The following PKIA variants were observed in gnomAD, a reference collection of about 807,000 sequenced individuals.
PKIA encodes PKI-alpha.
In PKIA, 4 loss-of-function variants were observed where a neutral mutation model predicts 7.6. The observed-to-expected ratio is 0.52, with a 90% CI of 0.26 to 1.20. The LOEUF (loss-of-function observed/expected upper bound fraction) is 1.20, where lower values mean the gene tolerates loss of function less well. Among genes scored for constraint, PKIA ranks in the 50% most tolerant of loss-of-function variants. The pLI, the probability that PKIA is intolerant of heterozygous loss-of-function variation, is 0.13. For synonymous variants in PKIA, 21 were observed against 30.7 expected, an observed-to-expected ratio of 0.68 and a Z score of 1.04; for missense variants, 73 against 86.2, an observed-to-expected ratio of 0.85 and a Z score of 0.61.
chr8:78,568,961 G>A (rs1314702270), intron 1 of PKIA, among the ~76,000 whole-genome samples: 2 of 152,088 alleles, frequency 1.3e-5, no homozygotes, highest in African/African-American at 4.8e-5. Context: ...TTGCAGTGTG[G>A]TTCAATGGAG....
At chr8:78,583,973 C>T (rs2130218599) in intron 2 of PKIA, among the ~76,000 whole-genome samples, 1 of 152,146 alleles carries the variant, frequency 6.6e-6, no homozygotes, top group Non-Finnish European at 1.5e-5. Context: ...GTATAGAAAG[C>T]AACAAGATTT....
intron 2 of PKIA, among the ~76,000 whole-genome samples, chr8:78,575,905 T>C (rs1388809770): frequency 2.0e-5 from 3 of 152,028 alleles, no homozygotes; most frequent in South Asian, 4.1e-4. Context: ...TACACAGTTC[T>C]GGAGGTTAGA....
In PKIA at chr8:78,523,933, TATATATAAACATTTATATTTATATATAA is replaced by T. The variant is rs1379773696; in HGVS notation, c.-157+7489_-157+7516del. Among the ~76,000 whole-genome samples, 354 of 137,826 alleles carry T rather than the reference TATATATAAACATTTATATTTATATATAA, an allele frequency of 2.6e-3. 4 individuals are homozygous for T. The highest frequency in any genetic ancestry group is 0.022 in the Admixed American group (277 of 12,582). 90.4% of individuals were successfully genotyped at this position (137,826 alleles called of 152,430 possible). On this transcript the variant is annotated intron_variant, in intron 1 of 3. Transcript: ENST00000396418. ...ACATATATATTTATATATATATAAA[TATATATAAACATTTATATTTATATATAA>T]ATATATAAACATTTATATTTATAAA...
chr8:78,541,217 T>C (rs557624379), intron 1 of PKIA, among the ~76,000 whole-genome samples: 118 of 152,262 alleles, frequency 7.7e-4, no homozygotes, highest in African/African-American at 2.8e-3. Context: ...TATTTATCAG[T>C]GGCATTTAAC....
At chr8:78,548,598 CAAAG>C (rs1563575157) in intron 1 of PKIA, among the ~76,000 whole-genome samples, 1 of 151,988 alleles carries the variant, frequency 6.6e-6, no homozygotes, top group African/African-American at 2.4e-5. Context: ...TTTGTGGAAA[CAAAG>C]AATTAAACAG....
chr8:78,536,402 A>C (rs1806522975), intron 1 of PKIA, among the ~76,000 whole-genome samples: 1 of 152,144 alleles, frequency 6.6e-6, no homozygotes, highest in Non-Finnish European at 1.5e-5. Flanking sequence ...AAGGAAAACC[A>C]TCTGAGCTCT....
At chr8:78,516,664 AAAG>A (rs1229969466) in intron 1 of PKIA, among the ~76,000 whole-genome samples, 196 bp downstream of exon 1, 3 of 152,228 alleles carry the variant, frequency 2.0e-5, no homozygotes, top group South Asian at 2.1e-4. Flanking sequence ...CTGGGCAAAC[AAAG>A]AAGGCGTTCT....
intron 1 of PKIA, among the ~76,000 whole-genome samples, chr8:78,557,074 T>C (rs949348067): frequency 4.6e-5 from 7 of 152,132 alleles, no homozygotes; most frequent in Non-Finnish European, 8.8e-5. Flanking sequence ...CCTCCTAACC[T>C]TCCTTATCAG....
Position 78,602,861 on chromosome 8 carries a change from A to G in PKIA, c.*1040A>G, listed in dbSNP as rs1276270695. 1.3e-5 allele frequency: 2 copies of G among 152,376 alleles called. No homozygotes were observed. The highest frequency in any genetic ancestry group is 2.9e-5 in the Non-Finnish European group (2 of 67,944). 9.4% of individuals were successfully genotyped at this position (152,376 alleles called of 1,614,324 possible). A position where few individuals can be genotyped will look rare whatever the true frequency, so the allele number is the denominator to read the frequency against. ...TAAATTTGGAGGACAACTTATCTTC[A>G]CTAAGCTGAATCAGGTGGAGAAAGT... On this transcript the variant is annotated 3_prime_UTR_variant, in exon 4 of 4. Transcript: ENST00000396418.
chr8:78,558,732 C>T (rs1450468519), intron 1 of PKIA, among the ~76,000 whole-genome samples: 1 of 151,946 alleles, frequency 6.6e-6, no homozygotes, highest in Non-Finnish European at 1.5e-5. Context: ...AACAAATGTT[C>T]ACGTATTTCC....
chr8:78,532,199 C>G (rs1329787769), intron 1 of PKIA, among the ~76,000 whole-genome samples: 1 of 151,912 alleles, frequency 6.6e-6, no homozygotes, highest in Non-Finnish European at 1.5e-5. Flanking sequence ...TCTACCTTTT[C>G]TTAAAATTAT....
intron 1 of PKIA, among the ~76,000 whole-genome samples, chr8:78,563,921 A>G (rs562094306): frequency 4.4e-4 from 67 of 152,242 alleles, no homozygotes; most frequent in Admixed American, 1.8e-3. Flanking sequence ...TGGAAGACTC[A>G]GTGCTGTGAA....
rs1051875478 is a variant in PKIA at position 78,602,786 on chromosome 8, A to G, written c.*965A>G. 3.3e-5 allele frequency: 5 copies of G among 151,682 alleles called. No individual in the cohort carries two copies. Among genetic ancestry groups the G allele is most frequent in the African/African-American group, 1.2e-4 (5 of 41,248 alleles). The allele number at this position is 151,682 out of a possible 1,614,324, so 9.4% of individuals were successfully genotyped here. A position where few individuals can be genotyped will look rare whatever the true frequency, so the allele number is the denominator to read the frequency against. ...GCCAAGATCATACTAAGGACTGGAA[A>G]TATTTTGTTCTATGGAATCAAATTT... On this transcript the variant is annotated 3_prime_UTR_variant, in exon 4 of 4. Transcript: ENST00000396418.
At chr8:78,569,439 G>C (rs543849560) in intron 1 of PKIA, among the ~76,000 whole-genome samples, 6 of 152,000 alleles carry the variant, frequency 3.9e-5, no homozygotes, top group Non-Finnish European at 2.9e-5. Flanking sequence ...GCGTCCCTCT[G>C]TTGCCAGTAT....
At chr8:78,563,178 G>A (rs1051513388) in intron 1 of PKIA, among the ~76,000 whole-genome samples, 1 of 152,032 alleles carries the variant, frequency 6.6e-6, no homozygotes, top group East Asian at 1.9e-4. Flanking sequence ...TTGGCAAGAG[G>A]CATCATCAAT....
At chr8:78,590,311 T>A (rs117079792) in intron 2 of PKIA, among the ~76,000 whole-genome samples, 6,862 of 149,298 alleles carry the variant, frequency 0.046, 246 homozygotes, top group Middle Eastern at 0.068. Flanking sequence ...AAGAAAAAAA[T>A]TGCGTGGACA....
At chr8:78,519,371 G>C (rs1469927252) in intron 1 of PKIA, among the ~76,000 whole-genome samples, 1 of 152,120 alleles carries the variant, frequency 6.6e-6, no homozygotes. Context: ...CCAGGAGTCT[G>C]AGGCTGCAGT....
chr8:78,526,657 T>C (rs1331728357), intron 1 of PKIA, among the ~76,000 whole-genome samples: 1 of 152,036 alleles, frequency 6.6e-6, no homozygotes, highest in African/African-American at 2.4e-5. Flanking sequence ...TACATTTCTA[T>C]TTTATTGAAG....
chr8:78,560,683 C>G (rs79767673), intron 1 of PKIA, among the ~76,000 whole-genome samples: 1 of 152,038 alleles, frequency 6.6e-6, no homozygotes, highest in African/African-American at 2.4e-5. Context: ...GACCAATGGC[C>G]GAGGAAAACC....
Sources: allele counts gnomAD v4.1 joint callset (sites outside exome capture counted in the v4.1 genomes callset), GRCh38; gene constraint gnomAD v4.1.1; transcripts MANE v1.5; gene names NCBI Gene and HGNC (gene_info 2026-07-23, HGNC 2026-07-21).